The following BRINP3 variants were observed in gnomAD, a reference collection of about 807,000 sequenced individuals.
BRINP3 encodes the protein BMP/retinoic acid inducible neural specific 3.
Under a neutral mutation model 71.0 loss-of-function variants are expected in BRINP3, and 19 were observed. That is an observed-to-expected ratio of 0.27 (90% CI 0.19 to 0.39). The LOEUF (loss-of-function observed/expected upper bound fraction) is 0.39, where lower values mean the gene tolerates loss of function less well. Among genes scored for constraint, BRINP3 ranks in the 10% least tolerant of loss-of-function variants. The probability of loss-of-function intolerance (pLI) is 1.00; values close to 1 mark genes in which losing one functional copy is unlikely to be tolerated. For synonymous variants in BRINP3, 380 were observed against 337.7 expected (o/e 1.13, Z -1.37); for missense variants, 959 against 940.8 (o/e 1.02, Z -0.25).
At chr1:190,308,042 T>C (rs1211117219) in intron 2 of BRINP3, among the ~76,000 whole-genome samples, 1 of 151,914 alleles carries the variant, frequency 6.6e-6, no homozygotes, top group Non-Finnish European at 1.5e-5. Flanking sequence ...TTCTGTTTGA[T>C]ATGGTATAAA....
chr1:190,373,746 G>A (rs1148616), intron 2 of BRINP3, among the ~76,000 whole-genome samples: 1 of 151,148 alleles, frequency 6.6e-6, no homozygotes, highest in Non-Finnish European at 1.5e-5. Context: ...TCTTATACAG[G>A]GGGTGAGACA....
intron 4 of BRINP3, among the ~76,000 whole-genome samples, chr1:190,257,225 T>C (rs1377584819): frequency 6.6e-6 from 1 of 152,210 alleles, no homozygotes; most frequent in Non-Finnish European, 1.5e-5. Context: ...TCTTGCTTTA[T>C]TTCATTAATT....
intron 1 of BRINP3, among the ~76,000 whole-genome samples, chr1:190,463,579 G>T (rs142738215): frequency 9.8e-4 from 149 of 151,656 alleles, no homozygotes; most frequent in African/African-American, 3.4e-3. Flanking sequence ...AATAAATAAG[G>T]TAATACATTA....
At chr1:190,107,871 T>G (rs1233894536) in intron 7 of BRINP3, among the ~76,000 whole-genome samples, 3 of 151,590 alleles carry the variant, frequency 2.0e-5, no homozygotes, top group African/African-American at 7.3e-5. Flanking sequence ...GAATTTTTTT[T>G]AATGAATTTA....
At chr1:190,349,086 T>A (rs969858735) in intron 2 of BRINP3, among the ~76,000 whole-genome samples, 1 of 152,062 alleles carries the variant, frequency 6.6e-6, no homozygotes, top group East Asian at 1.9e-4. Context: ...GGCCAGTGCA[T>A]GGGATCATAA....
chr1:190,368,828 T>C (rs1413162053), intron 2 of BRINP3, among the ~76,000 whole-genome samples: 3 of 152,200 alleles, frequency 2.0e-5, no homozygotes, highest in Non-Finnish European at 2.9e-5. Context: ...TTTAGATGAA[T>C]GTACACTTAA....
At chr1:190,325,892 A>T (rs1387763494) in intron 2 of BRINP3, among the ~76,000 whole-genome samples, 1 of 152,140 alleles carries the variant, frequency 6.6e-6, no homozygotes, top group Non-Finnish European at 1.5e-5. Flanking sequence ...TTAATATGTT[A>T]AAAACCAATA....
intron 2 of BRINP3, among the ~76,000 whole-genome samples, chr1:190,391,350 C>T (rs1181739686): frequency 1.3e-5 from 2 of 151,602 alleles, no homozygotes; most frequent in Non-Finnish European, 2.9e-5. Flanking sequence ...CATTACAGTG[C>T]CTCATAGTCA....
At chr1:190,167,851 G>A (rs965212944) in intron 6 of BRINP3, among the ~76,000 whole-genome samples, 2 of 152,100 alleles carry the variant, frequency 1.3e-5, no homozygotes, top group Non-Finnish European at 2.9e-5. Flanking sequence ...TTTTCCAACA[G>A]ACTACCAAGA....
intron 6 of BRINP3, among the ~76,000 whole-genome samples, chr1:190,211,378 A>C (rs555648769): frequency 6.6e-6 from 1 of 152,182 alleles, no homozygotes; most frequent in Non-Finnish European, 1.5e-5. Flanking sequence ...TTGTTTTTTA[A>C]AATTGATCTT....
At chr1:190,233,218 G>C (rs577410681) in intron 5 of BRINP3, among the ~76,000 whole-genome samples, 1 of 152,126 alleles carries the variant, frequency 6.6e-6, no homozygotes, top group Admixed American at 6.5e-5. Flanking sequence ...TGTGGACAGC[G>C]ATGTCCAGGC....
chr1:190,379,234 G>T (rs1461091610), intron 2 of BRINP3, among the ~76,000 whole-genome samples: 2 of 152,064 alleles, frequency 1.3e-5, no homozygotes, highest in African/African-American at 2.4e-5. Flanking sequence ...TTTTTATTCA[G>T]ACATTTATGA....
intron 6 of BRINP3, among the ~76,000 whole-genome samples, chr1:190,192,865 C>T (rs929965850): frequency 4.6e-5 from 7 of 151,836 alleles, no homozygotes; most frequent in South Asian, 2.1e-4. Flanking sequence ...AGCCAAAAGC[C>T]GAGATTGGAA....
chr1:190,200,921 C>CA (rs1333160273), intron 6 of BRINP3, among the ~76,000 whole-genome samples: 4 of 152,194 alleles, frequency 2.6e-5, no homozygotes, highest in African/African-American at 9.6e-5. Flanking sequence ...GTAAATTTCC[C>CA]AATCTTGAGT....
intron 7 of BRINP3, among the ~76,000 whole-genome samples, chr1:190,149,614 T>C (rs1320651819): frequency 6.7e-6 from 1 of 149,880 alleles, no homozygotes; most frequent in African/African-American, 2.5e-5. Context: ...ACTTAGGATA[T>C]TGTTGAGTAG....
chr1:190,100,217 T>C (rs1224295952), intron 7 of BRINP3, among the ~76,000 whole-genome samples: 1 of 152,210 alleles, frequency 6.6e-6, no homozygotes, highest in African/African-American at 2.4e-5. Flanking sequence ...ACAATTCCAT[T>C]TTTGGTATTC....
chr1:190,418,224 G>A (rs976380420), intron 2 of BRINP3, among the ~76,000 whole-genome samples: 22 of 151,854 alleles, frequency 1.4e-4, no homozygotes, highest in Non-Finnish European at 2.2e-4. Flanking sequence ...GCTAATTTTC[G>A]TATTTTTTGT....
intron 2 of BRINP3, among the ~76,000 whole-genome samples, chr1:190,345,635 C>G (rs932802883): frequency 6.8e-6 from 1 of 147,996 alleles, no homozygotes. Flanking sequence ...ATTGCTAAAA[C>G]TAGCTAGCCT....
At chr1:190,242,526 A>G (rs145152122) in intron 4 of BRINP3, among the ~76,000 whole-genome samples, 1 of 152,120 alleles carries the variant, frequency 6.6e-6, no homozygotes, top group Admixed American at 6.6e-5. Context: ...AACTTATACC[A>G]CTGTTGAATT....
Sources: allele counts gnomAD v4.1 joint callset (sites outside exome capture counted in the v4.1 genomes callset), GRCh38; gene constraint gnomAD v4.1.1; transcripts MANE v1.5; gene names NCBI Gene and HGNC (gene_info 2026-07-23, HGNC 2026-07-21).